The following CPQ variants were observed in gnomAD, a reference collection of about 807,000 sequenced individuals.
CPQ encodes carboxypeptidase Q, also known as Ser-Met dipeptidase.
CPQ carries 37 observed loss-of-function variants against 45.7 expected under a neutral mutation model. That is an observed-to-expected ratio of 0.81 (90% CI 0.62 to 1.07). The LOEUF (loss-of-function observed/expected upper bound fraction) is 1.07. Ranked by LOEUF, CPQ falls within the 50% of genes least tolerant of loss-of-function variation. CPQ has a pLI of 0.00. For synonymous variants in CPQ, 186 were observed against 205.8 expected (o/e 0.90, Z 0.82); for missense variants, 537 against 572.9 (o/e 0.94, Z 0.64).
intron 1 of CPQ, among the ~76,000 whole-genome samples, chr8:96,735,290 A>G (rs1184888049): frequency 1.3e-5 from 2 of 152,210 alleles, no homozygotes; most frequent in Admixed American, 1.3e-4. Context: ...TAAGCCTTCA[A>G]TAACTTCCAG....
At chr8:96,667,857 T>C (rs1294736363) in intron 1 of CPQ, among the ~76,000 whole-genome samples, 1 of 152,184 alleles carries the variant, frequency 6.6e-6, no homozygotes, top group Non-Finnish European at 1.5e-5. Flanking sequence ...CTGTATTCTC[T>C]ATTTTTCTTA....
intron 4 of CPQ, among the ~76,000 whole-genome samples, chr8:96,896,805 A>G (rs1444668247): frequency 3.3e-5 from 5 of 152,342 alleles, no homozygotes; most frequent in African/African-American, 2.4e-5. Context: ...ACATAAATGA[A>G]TGAATGAACA....
rs536110728 is a variant in CPQ at position 96,684,500 on chromosome 8, T to C, written c.-35+39098T>C. Among the ~76,000 whole-genome samples, 3 of 152,216 alleles carry C rather than the reference T, an allele frequency of 2.0e-5. No homozygotes were observed. In the East Asian group the frequency reaches 5.8e-4, roughly 29 times the overall value. The stretch of plus-strand genomic sequence containing the variant: ...CTGTGGCAGGTACGGTTAGGACTGA[T>C]CCTTAGACCCCCACACAGTATGCTC... On this transcript the variant is annotated intron_variant, in intron 1 of 7. Transcript: ENST00000220763.
At chr8:97,000,432 G>A (rs1809256991) in intron 5 of CPQ, among the ~76,000 whole-genome samples, 1 of 152,060 alleles carries the variant, frequency 6.6e-6, no homozygotes, top group South Asian at 2.1e-4. Context: ...TATAAGGAAG[G>A]GGTCCAGTTT....
intron 6 of CPQ, among the ~76,000 whole-genome samples, chr8:97,047,952 T>C (rs78913853): frequency 1.3e-5 from 2 of 152,180 alleles, no homozygotes; most frequent in Admixed American, 1.3e-4. Context: ...TATATGTCTG[T>C]TTTTATATCT....
intron 5 of CPQ, among the ~76,000 whole-genome samples, chr8:97,004,840 T>C (rs988989230): frequency 7.9e-5 from 12 of 152,100 alleles, no homozygotes; most frequent in Admixed American, 2.0e-4. Context: ...GAAAGAAAGA[T>C]TAAACAAAAA....
chr8:97,062,724 T>C (rs1810572636), intron 6 of CPQ, among the ~76,000 whole-genome samples: 1 of 152,186 alleles, frequency 6.6e-6, no homozygotes, highest in Non-Finnish European at 1.5e-5. Flanking sequence ...GAACATGTGG[T>C]ATTTGGTTTT....
intron 6 of CPQ, among the ~76,000 whole-genome samples, chr8:97,030,112 C>A (rs1299159953): frequency 1.3e-5 from 2 of 152,182 alleles, no homozygotes; most frequent in African/African-American, 4.8e-5. Context: ...ATATCAAGAG[C>A]AAATTTTGAG....
intron 6 of CPQ, among the ~76,000 whole-genome samples, chr8:97,057,082 A>G (rs1335405866): frequency 6.6e-6 from 1 of 152,160 alleles, no homozygotes; most frequent in Non-Finnish European, 1.5e-5. Context: ...ATTTATTATT[A>G]AAACCAGGAA....
chr8:96,918,489 T>C (rs1408514225), intron 4 of CPQ, among the ~76,000 whole-genome samples: 4 of 152,112 alleles, frequency 2.6e-5, no homozygotes, highest in African/African-American at 9.7e-5. Context: ...TTTTCCCACA[T>C]GATCAAACTT....
At chr8:96,690,375 T>G (rs1052588740) in intron 1 of CPQ, among the ~76,000 whole-genome samples, 53 of 152,274 alleles carry the variant, frequency 3.5e-4, no homozygotes, top group African/African-American at 1.3e-3. Context: ...CCTTATGATT[T>G]AATGAGTATT....
chr8:96,685,367 G>T (rs1387397748), intron 1 of CPQ, among the ~76,000 whole-genome samples: 3 of 151,866 alleles, frequency 2.0e-5, no homozygotes, highest in South Asian at 4.2e-4. Context: ...GGGTTCTTAT[G>T]TTTAAATCTT....
chr8:97,080,305 G>T (rs1810922796), intron 7 of CPQ, among the ~76,000 whole-genome samples: 1 of 152,124 alleles, frequency 6.6e-6, no homozygotes, highest in Non-Finnish European at 1.5e-5. Context: ...TACTTAATCT[G>T]CTCGTTGAAA....
chr8:97,086,396 T>G (rs1811041309), intron 7 of CPQ, among the ~76,000 whole-genome samples: 1 of 152,178 alleles, frequency 6.6e-6, no homozygotes, highest in South Asian at 2.1e-4. Flanking sequence ...TATTGCTGTT[T>G]CTGTTTTACG....
intron 1 of CPQ, among the ~76,000 whole-genome samples, chr8:96,677,847 T>A (rs1809096234): frequency 6.6e-6 from 1 of 152,152 alleles, no homozygotes; most frequent in South Asian, 2.1e-4. Context: ...GATTTTTATA[T>A]AATGTGAGAA....
At chr8:96,722,488 G>T (rs926004500) in intron 1 of CPQ, among the ~76,000 whole-genome samples, 2 of 152,092 alleles carry the variant, frequency 1.3e-5, no homozygotes, top group East Asian at 3.9e-4. Context: ...GCGTAGTTAG[G>T]ATAGAGACAT....
intron 5 of CPQ, among the ~76,000 whole-genome samples, chr8:97,007,591 G>T (rs1311830030): frequency 6.6e-6 from 1 of 152,116 alleles, no homozygotes; most frequent in African/African-American, 2.4e-5. Context: ...CCAAAGCAAA[G>T]AACTATTTCT....
chr8:96,655,215 T>G (rs1815624947), intron 1 of CPQ, among the ~76,000 whole-genome samples: 1 of 152,160 alleles, frequency 6.6e-6, no homozygotes, highest in Admixed American at 6.5e-5. Context: ...TTAGTTCCCT[T>G]GACTGTGATT....
intron 5 of CPQ, among the ~76,000 whole-genome samples, chr8:97,015,899 C>T (rs933417529): frequency 2.0e-4 from 30 of 152,050 alleles, no homozygotes; most frequent in African/African-American, 7.2e-4. Context: ...CTATTGTTTA[C>T]ATACATTTAT....
Sources: gnomAD v4.1 joint callset for allele counts (sites outside exome capture counted in the v4.1 genomes callset) on GRCh38, gnomAD v4.1.1 for gene constraint, MANE v1.5 for transcripts, NCBI Gene and HGNC (gene_info 2026-07-23, HGNC 2026-07-21) for gene names.